Variants in CDC73 observed in about 807,000 individuals in gnomAD.
CDC73 encodes parafibromin.
CDC73 carries 21 observed loss-of-function variants against 83.7 expected under a neutral mutation model. The observed-to-expected ratio is 0.25, with a 90% confidence interval of 0.18 to 0.36. The LOEUF (loss-of-function observed/expected upper bound fraction) is 0.36. CDC73 is among the 10% of genes least tolerant of loss of function. CDC73 has a pLI of 1.00. For synonymous variants in CDC73, 224 were observed against 212.9 expected (o/e 1.05, Z -0.45); for missense variants, 342 against 653.3 (o/e 0.52, Z 5.19).
chr1:193,239,420 A>G (rs1677819484), intron 15 of CDC73, among the ~76,000 whole-genome samples: 1 of 152,106 alleles, frequency 6.6e-6, no homozygotes, highest in Non-Finnish European at 1.5e-5. Flanking sequence ...AAATTATATT[A>G]TATTTTGTTA....
chr1:193,194,932 A>C (rs1676977061), intron 10 of CDC73, among the ~76,000 whole-genome samples: 1 of 152,092 alleles, frequency 6.6e-6, no homozygotes, highest in South Asian at 2.1e-4. Flanking sequence ...CTATATGTGT[A>C]TGTACATATA....
chr1:193,145,533 A>G (rs1048419301), intron 7 of CDC73, among the ~76,000 whole-genome samples: 3 of 152,312 alleles, frequency 2.0e-5, no homozygotes, highest in Non-Finnish European at 4.4e-5. Context: ...ACTTTTATGC[A>G]TTTTGAAAAG....
At chr1:193,133,389 T>C (rs974832868) in intron 3 of CDC73, among the ~76,000 whole-genome samples, 1 of 152,194 alleles carries the variant, frequency 6.6e-6, no homozygotes, top group Non-Finnish European at 1.5e-5. Context: ...CTAGTTTTTC[T>C]TGAGGTAGGA....
intron 14 of CDC73, among the ~76,000 whole-genome samples, 200 bp downstream of exon 14, chr1:193,233,354 C>T (rs1038108281): frequency 7.9e-5 from 12 of 151,964 alleles, no homozygotes; most frequent in African/African-American, 2.4e-4. Context: ...TGCCACTGCA[C>T]CTGGCAGCCT....
intron 13 of CDC73, among the ~76,000 whole-genome samples, chr1:193,227,229 T>A (rs1464577960): frequency 2.6e-5 from 4 of 152,180 alleles, no homozygotes; most frequent in Non-Finnish European, 4.4e-5. Context: ...TCTATTTTTT[T>A]ATTTTTGTTT....
At chr1:193,191,999 T>G (rs966602499) in intron 10 of CDC73, among the ~76,000 whole-genome samples, 7 of 152,312 alleles carry the variant, frequency 4.6e-5, no homozygotes, top group Non-Finnish European at 1.0e-4. Context: ...TTATTTAAAG[T>G]ATAACAAACA....
At chr1:193,175,847 G>T (rs1183449232) in intron 10 of CDC73, among the ~76,000 whole-genome samples, 1 of 152,078 alleles carries the variant, frequency 6.6e-6, no homozygotes, top group African/African-American at 2.4e-5. Context: ...TAAATTAGAG[G>T]TTTTGCTTAT....
intron 11 of CDC73, among the ~76,000 whole-genome samples, chr1:193,211,184 A>G (rs1325224548): frequency 6.6e-6 from 1 of 152,206 alleles, no homozygotes; most frequent in Non-Finnish European, 1.5e-5. Context: ...ACCTGAAACC[A>G]GGGAGGGATA....
intron 10 of CDC73, among the ~76,000 whole-genome samples, chr1:193,192,421 C>T (rs113420978): frequency 0.02 from 3,014 of 151,976 alleles, 97 homozygotes; most frequent in African/African-American, 0.068. Flanking sequence ...CCAGCCTGGG[C>T]GACAGAGTGA....
At chr1:193,167,371 C>T (rs779415841) in intron 10 of CDC73, among the ~76,000 whole-genome samples, 1 of 152,130 alleles carries the variant, frequency 6.6e-6, no homozygotes, top group Admixed American at 6.5e-5. Context: ...ATGATTTGGA[C>T]TCCTCGAATA....
At chr1:193,218,621 C>T (rs1483655802) in intron 13 of CDC73, among the ~76,000 whole-genome samples, 1 of 152,136 alleles carries the variant, frequency 6.6e-6, no homozygotes, top group African/African-American at 2.4e-5. Context: ...CCAGCAGCAA[C>T]CATCTGCTTT....
At chr1:193,165,092 C>T (rs913005238) in intron 10 of CDC73, among the ~76,000 whole-genome samples, 1 of 152,144 alleles carries the variant, frequency 6.6e-6, no homozygotes, top group Non-Finnish European at 1.5e-5. Context: ...GGTCTCACTA[C>T]GTTGCCCAGG....
intron 7 of CDC73, among the ~76,000 whole-genome samples, chr1:193,143,090 T>C (rs1229984429): frequency 1.3e-5 from 2 of 152,188 alleles, no homozygotes. Context: ...AGTCTTAAAT[T>C]TACATTGCTA....
At chr1:193,211,035 T>C (rs1407409232) in intron 11 of CDC73, among the ~76,000 whole-genome samples, 1 of 152,236 alleles carries the variant, frequency 6.6e-6, no homozygotes, top group Non-Finnish European at 1.5e-5. Flanking sequence ...CAGCTTATTA[T>C]GAAATTATTT....
At chr1:193,218,199 C>G (rs1677403491) in intron 13 of CDC73, among the ~76,000 whole-genome samples, 1 of 152,060 alleles carries the variant, frequency 6.6e-6, no homozygotes, top group Non-Finnish European at 1.5e-5. Flanking sequence ...GGGAATACAG[C>G]TAAACCAGGG....
intron 10 of CDC73, chr1:193,181,622 T>A (rs901244275): frequency 2.2e-5 from 30 of 1,387,742 alleles, no homozygotes; most frequent in Non-Finnish European, 2.9e-5. Flanking sequence ...TTTCTTCTCC[T>A]TAATACTATT....
At chr1:193,203,344 G>T (rs1282129771) in intron 10 of CDC73, among the ~76,000 whole-genome samples, 2 of 152,052 alleles carry the variant, frequency 1.3e-5, no homozygotes, top group East Asian at 3.9e-4. Context: ...TGAAATGTTT[G>T]TTTTTTAAAT....
chr1:193,221,040 C>T (rs1677460759), intron 13 of CDC73, among the ~76,000 whole-genome samples: 1 of 152,118 alleles, frequency 6.6e-6, no homozygotes, highest in African/African-American at 2.4e-5. Flanking sequence ...TGTCTGTAGT[C>T]TTTCCAACTA....
intron 11 of CDC73, among the ~76,000 whole-genome samples, chr1:193,208,005 C>T (rs185526984): frequency 2.6e-5 from 4 of 152,256 alleles, no homozygotes; most frequent in Admixed American, 2.6e-4. Context: ...TTTGGATTTG[C>T]CGTAGGCATT....
Sources: allele counts gnomAD v4.1 joint callset (sites outside exome capture counted in the v4.1 genomes callset), GRCh38; gene constraint gnomAD v4.1.1; transcripts MANE v1.5; gene names NCBI Gene and HGNC (gene_info 2026-07-23, HGNC 2026-07-21).